The following KLHL1 variants were observed in gnomAD, a reference collection of about 807,000 sequenced individuals.
KLHL1 encodes kelch-like protein 1.
In KLHL1, 47 loss-of-function variants were observed where a neutral mutation model predicts 77.7. The observed-to-expected ratio is 0.60, with a 90% CI of 0.48 to 0.77. KLHL1 has a LOEUF of 0.77. Ranked by LOEUF, KLHL1 falls within the 30% of genes least tolerant of loss-of-function variation. KLHL1 has a pLI of 0.00. For missense variants in KLHL1, 925 were observed against 910.8 expected (o/e 1.02, Z -0.20); for synonymous variants, 360 against 325.2 (o/e 1.11, Z -1.15).
At chr13:69,947,768 C>A (rs1466186324) in intron 3 of KLHL1, among the ~76,000 whole-genome samples, 1 of 152,080 alleles carries the variant, frequency 6.6e-6, no homozygotes, top group African/African-American at 2.4e-5. Context: ...AGCTTCAATG[C>A]ACACAAATTA....
intron 6 of KLHL1, among the ~76,000 whole-genome samples, chr13:69,804,980 T>C (rs990739474): frequency 5.3e-5 from 8 of 152,128 alleles, no homozygotes; most frequent in African/African-American, 1.9e-4. Context: ...CAATGTTTTA[T>C]AGTGTAAGCA....
At chr13:69,775,071 C>T (rs746186801) in intron 7 of KLHL1, among the ~76,000 whole-genome samples, 6 of 152,086 alleles carry the variant, frequency 3.9e-5, no homozygotes, top group Non-Finnish European at 7.4e-5. Context: ...AATACCAATG[C>T]GTTTTTTAAA....
chr13:69,805,972 T>G (rs1430890695), intron 6 of KLHL1, among the ~76,000 whole-genome samples: 1 of 152,038 alleles, frequency 6.6e-6, no homozygotes, highest in Admixed American at 6.6e-5. Flanking sequence ...TATCAGATAT[T>G]AAAAAGTATA....
intron 1 of KLHL1, among the ~76,000 whole-genome samples, chr13:70,037,250 G>A (rs888577721): frequency 1.3e-5 from 2 of 151,996 alleles, no homozygotes; most frequent in Non-Finnish European, 2.9e-5. Context: ...AAGTCTCTCA[G>A]CTTTTATCTG....
chr13:69,933,497 A>C (rs1883071195), intron 4 of KLHL1, among the ~76,000 whole-genome samples: 2 of 152,166 alleles, frequency 1.3e-5, no homozygotes, highest in African/African-American at 2.4e-5. Flanking sequence ...TTTTAAAACC[A>C]TGATCACAAA....
At chr13:69,718,479 G>A (rs1872878353) in intron 9 of KLHL1, among the ~76,000 whole-genome samples, 1 of 151,874 alleles carries the variant, frequency 6.6e-6, no homozygotes, top group Admixed American at 6.6e-5. Context: ...AGGAAAAAAA[G>A]CATCATGGTA....
chr13:69,924,027 A>G (rs1299745705), intron 4 of KLHL1, among the ~76,000 whole-genome samples: 1 of 152,194 alleles, frequency 6.6e-6, no homozygotes, highest in Non-Finnish European at 1.5e-5. Flanking sequence ...GGCTGTTGCA[A>G]TTCAGCCACG....
At chr13:69,747,159 G>T (rs1469172903) in intron 7 of KLHL1, among the ~76,000 whole-genome samples, 1 of 151,988 alleles carries the variant, frequency 6.6e-6, no homozygotes. Context: ...TTAAGAATTT[G>T]ATTTGTTTTA....
Position 69,808,936 on chromosome 13 carries a change from C to T in KLHL1, c.1415-11974G>A, listed in dbSNP as rs115084649. The stretch of plus-strand genomic sequence containing the variant: ...AAAATACAATTGGAAGCCTTAACAG[C>T]AGACTAGACCAAGCAGAAAAAAGAA... On this transcript the variant is annotated intron_variant, in intron 6 of 10. Coordinates refer to ENST00000377844, the MANE Select transcript of KLHL1 (RefSeq NM_020866.3). Among the ~76,000 whole-genome samples the T allele has an allele frequency of 5.9e-3, 896 of 152,124 alleles. 7 individuals are homozygous for T. Among genetic ancestry groups the T allele is most frequent in the African/African-American group, 0.02 (813 of 41,510 alleles).
At chr13:69,798,586 TATA>T (rs1463594616) in intron 6 of KLHL1, among the ~76,000 whole-genome samples, 3 of 151,948 alleles carry the variant, frequency 2.0e-5, no homozygotes, top group Non-Finnish European at 2.9e-5. Flanking sequence ...TATTAACATG[TATA>T]ATATTTTAAA....
intron 1 of KLHL1, among the ~76,000 whole-genome samples, chr13:70,052,531 ATTAC>A (rs1277998098): frequency 6.6e-6 from 1 of 151,936 alleles, no homozygotes; most frequent in East Asian, 1.9e-4. Context: ...TTCTGAAGAC[ATTAC>A]TTAAATTTTG....
intron 7 of KLHL1, among the ~76,000 whole-genome samples, chr13:69,760,332 A>G (rs898165376): frequency 7.3e-5 from 11 of 150,700 alleles, no homozygotes; most frequent in Non-Finnish European, 1.2e-4. Context: ...TAACTAAACC[A>G]AAAGGTTAGG....
intron 5 of KLHL1, among the ~76,000 whole-genome samples, chr13:69,869,556 G>A (rs1880500219): frequency 6.6e-6 from 1 of 151,878 alleles, no homozygotes; most frequent in African/African-American, 2.4e-5. Context: ...TTTATTTTGG[G>A]TGACCTCTAG....
intron 9 of KLHL1, among the ~76,000 whole-genome samples, chr13:69,715,456 T>C (rs1304781203): frequency 1.3e-5 from 2 of 152,048 alleles, no homozygotes; most frequent in African/African-American, 4.8e-5. Flanking sequence ...TCATCAGCCA[T>C]GTGGAGCTAT....
chr13:69,747,186 A>T (rs905106950), intron 7 of KLHL1, among the ~76,000 whole-genome samples: 1 of 152,098 alleles, frequency 6.6e-6, no homozygotes, highest in Non-Finnish European at 1.5e-5. Flanking sequence ...TTTTACAGTT[A>T]TACATATTAG....
chr13:70,013,515 G>A (rs1003143927), intron 1 of KLHL1, among the ~76,000 whole-genome samples: 2 of 152,014 alleles, frequency 1.3e-5, no homozygotes, highest in South Asian at 4.1e-4. Flanking sequence ...ATTGCATCAG[G>A]GTAGAAAATA....
intron 8 of KLHL1, among the ~76,000 whole-genome samples, chr13:69,732,780 CATTG>C (rs1312014718): frequency 6.6e-6 from 1 of 151,994 alleles, no homozygotes; most frequent in Non-Finnish European, 1.5e-5. Context: ...CCATCGGCTT[CATTG>C]AGACTACTCT....
At chr13:69,902,833 C>T (rs1034440654) in intron 4 of KLHL1, among the ~76,000 whole-genome samples, 7 of 151,864 alleles carry the variant, frequency 4.6e-5, no homozygotes, top group Admixed American at 1.3e-4. Flanking sequence ...TGCAGCACAC[C>T]AACATAGCAC....
chr13:69,897,333 T>G (rs1474229997), intron 4 of KLHL1, among the ~76,000 whole-genome samples: 1 of 152,136 alleles, frequency 6.6e-6, no homozygotes, highest in Non-Finnish European at 1.5e-5. Context: ...TGTCTTAAAA[T>G]TTTTGGACAC....
Sources: gnomAD v4.1 joint callset for allele counts (sites outside exome capture counted in the v4.1 genomes callset) on GRCh38, gnomAD v4.1.1 for gene constraint, MANE v1.5 for transcripts, NCBI Gene and HGNC (gene_info 2026-07-23, HGNC 2026-07-21) for gene names.